The following COL4A4 variants were observed in gnomAD, a reference collection of about 807,000 sequenced individuals.
COL4A4 encodes the protein collagen alpha-4(IV) chain.
A neutral mutation model predicts 192.9 loss-of-function variants in COL4A4; 105 were observed. That is an observed-to-expected ratio of 0.54 (90% CI 0.46 to 0.64). COL4A4 has a LOEUF of 0.64. COL4A4 is among the 30% of genes least tolerant of loss of function. COL4A4 has a pLI of 0.00. For synonymous variants in COL4A4, 762 were observed against 769.9 expected (o/e 0.99, Z 0.17); for missense variants, 1,967 against 2,169.3 (o/e 0.91, Z 1.85).
At chr2:226,970,484 T>C in the COL4A4 span, among the ~76,000 whole-genome samples, 1 of 152,180 alleles carries the variant, frequency 6.6e-6, no homozygotes, top group African/African-American at 2.4e-5. Context: ...GGTTTGTGTG[T>C]GAATTTGTCC....
At chr2:227,155,043 G>A (rs2064227626) in intron 1 of COL4A4, among the ~76,000 whole-genome samples, 1 of 152,134 alleles carries the variant, frequency 6.6e-6, no homozygotes, top group Admixed American at 6.5e-5. Flanking sequence ...TGTGGTCCAT[G>A]GACCACCGGA....
Position 227,104,093 on chromosome 2 carries a change from TTA to T in COL4A4, c.736-43_736-42del. ...AAGATAATGAAAATTTCATATTAAT[TTA>T]TGTTTTGAAGGTTTTCACCCATGTA... is the stretch of plus-strand genomic sequence containing the variant. On this transcript the variant is annotated intron_variant, in intron 12 of 47. Transcript: ENST00000396625. 1.9e-6 allele frequency: 3 copies of T among 1,564,802 alleles called. No homozygotes were observed. In the East Asian group the frequency reaches 6.7e-5, roughly 35 times the overall value.
At chr2:227,008,410 GGAGGC>G in intron 46 of COL4A4, 106 bp from the exon 47 acceptor site, 1 of 1,285,956 alleles carries the variant, frequency 7.8e-7, no homozygotes, top group East Asian at 2.4e-5. Context: ...TCTGAAATCT[GGAGGC>G]CCTCGCCAAA....
intron 27 of COL4A4, 123 bp downstream of exon 27, chr2:227,060,013 A>C: frequency 1.4e-6 from 1 of 701,246 alleles, no homozygotes; most frequent in Non-Finnish European, 2.4e-6. Context: ...CCATTTCCCT[A>C]TTATCTAGGG....
chr2:226,974,752 T>A, the COL4A4 span, among the ~76,000 whole-genome samples: 1 of 152,142 alleles, frequency 6.6e-6, no homozygotes, highest in East Asian at 1.9e-4. Context: ...GGGTGGATAC[T>A]CCCTGCAGGC....
At chr2:227,086,970 G>A (rs1234767506) in intron 22 of COL4A4, among the ~76,000 whole-genome samples, 1 of 152,128 alleles carries the variant, frequency 6.6e-6, no homozygotes, top group African/African-American at 2.4e-5. Flanking sequence ...TTCACTTAAG[G>A]CCCTCGGGTT....
chr2:227,036,269 C>T (rs986333350), intron 37 of COL4A4, among the ~76,000 whole-genome samples: 1 of 152,156 alleles, frequency 6.6e-6, no homozygotes, highest in East Asian at 1.9e-4. Context: ...TGTTAGCCAG[C>T]GAACTCTTTA....
chr2:227,076,627 A>C (rs1310058780), intron 25 of COL4A4, among the ~76,000 whole-genome samples: 1 of 152,232 alleles, frequency 6.6e-6, no homozygotes, highest in Non-Finnish European at 1.5e-5. Flanking sequence ...AAAAGAAGCC[A>C]AATTGACAAA....
chr2:227,118,013 T>C, intron 7 of COL4A4, among the ~76,000 whole-genome samples: 1 of 152,226 alleles, frequency 6.6e-6, no homozygotes, highest in Non-Finnish European at 1.5e-5. Flanking sequence ...ATTCTCTTCC[T>C]GGTCTGTTGT....
the COL4A4 span, among the ~76,000 whole-genome samples, chr2:226,968,061 A>G: frequency 3.9e-5 from 6 of 152,204 alleles, no homozygotes; most frequent in African/African-American, 1.4e-4. Context: ...CTGCTCTTGC[A>G]TAACATAATT....
chr2:227,104,783 G>A (rs993733719), intron 12 of COL4A4, among the ~76,000 whole-genome samples: 6 of 151,038 alleles, frequency 4.0e-5, no homozygotes, highest in African/African-American at 1.5e-4. Flanking sequence ...TGGGATTACA[G>A]GCATGCGCCA....
chr2:227,022,177 A>C lies in COL4A4; in HGVS notation c.4091-4T>G. ...TCTGCAGGTGGCCCCGGTTCACCTG[A>C]AATTGGAATCACCGCTTGTGTAATG... On this transcript the variant is annotated splice_region_variant and splice_polypyrimidine_tract_variant and intron_variant, in intron 43 of 47. Transcript: ENST00000396625. 6.2e-7 allele frequency: 1 copy of C among 1,614,090 alleles called. No individual in the cohort carries two copies. Among genetic ancestry groups the C allele is most frequent in the Non-Finnish European group, 8.5e-7 (1 of 1,180,022 alleles).
the COL4A4 span, among the ~76,000 whole-genome samples, chr2:226,987,466 T>G: frequency 6.6e-6 from 1 of 152,142 alleles, no homozygotes; most frequent in Non-Finnish European, 1.5e-5. Flanking sequence ...AGCTAGCTGG[T>G]AGGACAGGCA....
intron 7 of COL4A4, among the ~76,000 whole-genome samples, chr2:227,115,208 C>T (rs1455814626): frequency 6.6e-6 from 1 of 151,290 alleles, no homozygotes; most frequent in Non-Finnish European, 1.5e-5. Flanking sequence ...GAAATAACCT[C>T]AGTGTATTCT....
intron 43 of COL4A4, 143 bp from the exon 44 acceptor site, chr2:227,022,316 A>G (rs557452349): frequency 1.6e-5 from 19 of 1,163,974 alleles, no homozygotes; most frequent in Non-Finnish European, 2.2e-5. Context: ...AAATGTTTGT[A>G]AAGATTCAAC....
Position 227,073,068 on chromosome 2 carries a change from A to T in COL4A4, c.1987+4826T>A, listed in dbSNP as rs573376539. ...CAGAGCAATTAGGTAAGAGAAATAA[A>T]TAAACAGCATCAAAATTAGAAAAGA... On this transcript the variant is annotated intron_variant, in intron 25 of 47. Coordinates refer to ENST00000396625, the MANE Select transcript of COL4A4 (RefSeq NM_000092.5). Among the ~76,000 whole-genome samples the T allele has an allele frequency of 9.9e-5, 15 of 152,212 alleles. No individual in the cohort carries two copies. The South Asian group carries it at 2.5e-3, about 25-fold the overall frequency.
the COL4A4 span, among the ~76,000 whole-genome samples, chr2:226,985,559 G>A: frequency 4.7e-4 from 72 of 152,354 alleles, no homozygotes; most frequent in African/African-American, 1.7e-3. Context: ...AAACTCGGGT[G>A]GATATGTTCA....
At chr2:226,982,030 T>A in the COL4A4 span, among the ~76,000 whole-genome samples, 2 of 152,262 alleles carry the variant, frequency 1.3e-5, no homozygotes, top group Non-Finnish European at 2.9e-5. Context: ...ATGGCTATCA[T>A]ACTTTTGATA....
At chr2:227,046,067 ACATATATATATTTAGATATATATG>A (rs1972767308) in intron 35 of COL4A4, among the ~76,000 whole-genome samples, 1 of 138,636 alleles carries the variant, frequency 7.2e-6, no homozygotes, top group Admixed American at 7.4e-5. Context: ...AAACATATAT[ACATATATATATTTAGATATATATG>A]TACATATATA....
Sources: allele counts gnomAD v4.1 joint callset (sites outside exome capture counted in the v4.1 genomes callset), GRCh38; gene constraint gnomAD v4.1.1; transcripts MANE v1.5; gene names NCBI Gene and HGNC (gene_info 2026-07-23, HGNC 2026-07-21).